Variants in LIPM observed in about 807,000 individuals in gnomAD.
LIPM encodes lipase member M.
In LIPM, 42 loss-of-function variants were observed where a neutral mutation model predicts 42.4. The ratio of observed to expected loss-of-function variants is 0.99; its 90% CI spans 0.77 to 1.28. The LOEUF (loss-of-function observed/expected upper bound fraction) is 1.28. LIPM is among the 50% of genes most tolerant of loss of function. The probability of loss-of-function intolerance (pLI) is 0.00; values close to 1 mark genes in which losing one functional copy is unlikely to be tolerated. For missense variants in LIPM, 524 were observed against 520.1 expected, an observed-to-expected ratio of 1.01 and a Z score of -0.07; for synonymous variants, 177 against 173.3, an observed-to-expected ratio of 1.02 and a Z score of -0.17.
chr10:88,817,942 T>A, intron 8 of LIPM, 46 bp downstream of exon 8: 1 of 1,362,704 alleles, frequency 7.3e-7, no homozygotes, highest in Non-Finnish European at 1.0e-6. Context: ...ACATTGGAAA[T>A]GTATGACAGG....
chr10:88,813,229 G>C lies in LIPM; in HGVS notation c.398G>C (p.Arg133Thr). 1 of 1,613,570 alleles carries C rather than the reference G, an allele frequency of 6.2e-7. No individual in the cohort carries two copies. The change falls in exon 3 of 9, where the codon AGG becomes ACG. Residue 133 changes from arginine (R) to threonine (T), a missense_variant. By Grantham distance (71) the Arg-to-Thr change is moderately conservative. Transcript: ENST00000404743. ...AGFDVWMGNSRGNAWSRKHKT... is the reference protein window; with the variant it reads ...AGFDVWMGNSTGNAWSRKHKT... ...TTTGACGTGTGGATGGGGAACAGCAGGGGAAACGCCTGGTCTCGAAAACAC... is the reference window on the plus strand; with the variant it reads ...TTTGACGTGTGGATGGGGAACAGCACGGGAAACGCCTGGTCTCGAAAACAC...
At chr10:88,813,486 T>C (rs576113917) in intron 3 of LIPM, among the ~76,000 whole-genome samples, 191 bp downstream of exon 3, 1 of 152,116 alleles carries the variant, frequency 6.6e-6, no homozygotes, top group African/African-American at 2.4e-5. Context: ...GAGTTCCCCA[T>C]GTAGAAGGTG....
chr10:88,810,655 G>A (rs540715787), intron 2 of LIPM, among the ~76,000 whole-genome samples: 45 of 152,280 alleles, frequency 3.0e-4, no homozygotes, highest in African/African-American at 9.9e-4. Context: ...TCAATATCAA[G>A]AGAGAAAATA....
At chr10:88,815,324 C>T (rs1843705684) in intron 5 of LIPM, 33 bp from the exon 6 acceptor site, 1 of 1,549,536 alleles carries the variant, frequency 6.5e-7, no homozygotes. Flanking sequence ...TCTTTTCTGT[C>T]TGTCATGTCT....
chr10:88,820,201 C>T (rs2133065705), intron 8 of LIPM, 31 bp from the exon 9 acceptor site: 2 of 1,510,172 alleles, frequency 1.3e-6, no homozygotes, highest in Non-Finnish European at 1.8e-6. Flanking sequence ...CCAAATGTTA[C>T]CTAGAGTTAA....
At chr10:88,818,977 T>G (rs964951191) in intron 8 of LIPM, among the ~76,000 whole-genome samples, 1 of 152,166 alleles carries the variant, frequency 6.6e-6, no homozygotes, top group African/African-American at 2.4e-5. Flanking sequence ...AAACTCTGCC[T>G]CCTAGCTTTG....
Position 88,820,264 on chromosome 10 carries a change from G to A in LIPM, c.1035G>A (p.Met345Ile). 1.9e-6 allele frequency: 3 copies of A among 1,551,700 alleles called. No individual in the cohort carries two copies. The highest frequency in any genetic ancestry group is 2.6e-6 in the Non-Finnish European group (3 of 1,147,022). ...CTGTAAGGTACAGAGTCAGAGATAT[G>A]ACGGTCCCTACAGCAATGTGGACAG... is the stretch of plus-strand genomic sequence containing the variant. ...PTPVRYRVRD[M>I]TVPTAMWTGG... Residue 345 changes from methionine (M) to isoleucine (I), a missense_variant, in exon 9 of 9, where the codon ATG (methionine) becomes ATA (isoleucine). Met to Ile is a conservative substitution (Grantham distance 10). Transcript: ENST00000404743.
rs770351112 is a variant in LIPM at position 88,815,413 on chromosome 10, T to C, written c.768T>C (p.Val256=). Residue 256 remains valine, a synonymous_variant, in exon 6 of 9, where the codon GTT becomes GTC. Transcript: ENST00000404743. ...AGACCAGATTTCTCAGACAACTTGT[T>C]ATTTACCTTTGTGGCCAGGTGATTC... is the stretch of plus-strand genomic sequence containing the variant. ...LYQTRFLRQL[V]IYLCGQVILD... is the part of the protein sequence containing the mutation. 9.2e-5 allele frequency: 142 copies of C among 1,551,658 alleles called. 2 individuals are homozygous for C. In the South Asian group the frequency reaches 1.6e-3, roughly 18 times the overall value.
intron 2 of LIPM, among the ~76,000 whole-genome samples, chr10:88,809,668 C>A (rs1399286051): frequency 6.6e-6 from 1 of 152,172 alleles, no homozygotes; most frequent in East Asian, 1.9e-4. Flanking sequence ...CCATTATAGC[C>A]CGTGTTCTTA....
chr10:88,818,555 TG>T (rs1156752017), intron 8 of LIPM, among the ~76,000 whole-genome samples: 1 of 152,254 alleles, frequency 6.6e-6, no homozygotes, highest in East Asian at 1.9e-4. Context: ...GATTCAGAAT[TG>T]CACAGGTATG....
Position 88,815,352 on chromosome 10 carries a change from C to T in LIPM, c.712-5C>T. 6.4e-7 allele frequency: 1 copy of T among 1,551,436 alleles called. No individual in the cohort carries two copies. Among genetic ancestry groups the T allele is most frequent in the East Asian group, 2.4e-5 (1 of 40,920 alleles). On this transcript the variant is annotated splice_polypyrimidine_tract_variant and splice_region_variant and intron_variant, in intron 5 of 8. Transcript: ENST00000404743. ...TCATGTCTATGTCACTTCATATTTT[C>T]ACAGGGATTGTTTGGCAAAAAAGAA...
chr10:88,805,859 T>A, intron 1 of LIPM: 1 of 415,506 alleles, frequency 2.4e-6, no homozygotes, highest in East Asian at 8.1e-5. Flanking sequence ...AAGTAGAGAA[T>A]CAGGAGTAAG....
At chr10:88,804,295 T>C (rs1286213899) in intron 1 of LIPM, among the ~76,000 whole-genome samples, 2 of 152,152 alleles carry the variant, frequency 1.3e-5, no homozygotes, top group Non-Finnish European at 1.5e-5. Flanking sequence ...AGAGATGATC[T>C]TCCTGGGCCC....
chr10:88,804,180 T>G (rs1843560400), intron 1 of LIPM, among the ~76,000 whole-genome samples: 1 of 152,198 alleles, frequency 6.6e-6, no homozygotes, highest in Non-Finnish European at 1.5e-5. Context: ...GTCTAGGTAG[T>G]TAGCACATTG....
intron 1 of LIPM, among the ~76,000 whole-genome samples, chr10:88,807,864 A>G (rs1229678498): frequency 6.6e-6 from 1 of 152,196 alleles, no homozygotes; most frequent in African/African-American, 2.4e-5. Flanking sequence ...GTATGTTTCA[A>G]TGCCCAGAAG....
At chr10:88,814,419 A>T in intron 3 of LIPM, 111 bp from the exon 4 acceptor site, 1 of 679,520 alleles carries the variant, frequency 1.5e-6, no homozygotes, top group South Asian at 1.8e-5. Flanking sequence ...CACGGTAACA[A>T]GCTGTCAGAG....
At chr10:88,819,392 C>T (rs1053646031) in intron 8 of LIPM, among the ~76,000 whole-genome samples, 1 of 152,032 alleles carries the variant, frequency 6.6e-6, no homozygotes, top group South Asian at 2.1e-4. Flanking sequence ...AATTACTAGC[C>T]CCATAGAATT....
intron 2 of LIPM, among the ~76,000 whole-genome samples, chr10:88,810,600 T>C (rs575216989): frequency 6.6e-5 from 10 of 152,246 alleles, no homozygotes; most frequent in Non-Finnish European, 1.5e-4. Context: ...GCTTATAGCT[T>C]GTGGTAGCGG....
chr10:88,815,526 C>T, intron 6 of LIPM, 23 bp downstream of exon 6: 5 of 1,547,050 alleles, frequency 3.2e-6, no homozygotes, highest in Non-Finnish European at 1.7e-6. Flanking sequence ...CTAGTAAATT[C>T]CCAGCATCCC....
Sources: gnomAD v4.1 joint callset for allele counts (sites outside exome capture counted in the v4.1 genomes callset) on GRCh38, gnomAD v4.1.1 for gene constraint, MANE v1.5 for transcripts, NCBI Gene and HGNC (gene_info 2026-07-23, HGNC 2026-07-21) for gene names.